Variants in PABPN1 observed in about 807,000 individuals in gnomAD.
The protein encoded by PABPN1 is polyadenylate-binding protein 2.
PABPN1 carries 5 observed loss-of-function variants against 33.4 expected under a neutral mutation model. The observed-to-expected ratio is 0.15, with a 90% CI of 0.08 to 0.32. PABPN1 has a LOEUF of 0.32. Ranked by LOEUF, PABPN1 falls within the 10% of genes least tolerant of loss-of-function variation. The pLI, the probability that PABPN1 is intolerant of heterozygous loss-of-function variation, is 1.00. For synonymous variants in PABPN1, 176 were observed against 170.6 expected (o/e 1.03, Z -0.25); for missense variants, 312 against 425.8 (o/e 0.73, Z 2.35).
intron 2 of PABPN1, chr14:23,322,733 C>T (rs144496255): frequency 5.7e-6 from 3 of 524,866 alleles, no homozygotes; most frequent in South Asian, 4.4e-5. Flanking sequence ...CAACCAAAGC[C>T]ATTCATTAGG....
intron 3 of PABPN1, 136 bp downstream of exon 3, chr14:23,323,202 A>T: frequency 7.5e-7 from 1 of 1,337,800 alleles, no homozygotes; most frequent in East Asian, 2.4e-5. Context: ...GTTAAAGGTA[A>T]TGGAATGATC....
rs1057278062 is a variant in PABPN1 at position 23,322,264 on chromosome 14, G to A, written c.435G>A (p.Lys145=). The A allele has an allele frequency of 1.2e-6, 2 of 1,608,696 alleles. No homozygotes were observed. Among genetic ancestry groups the A allele is most frequent in the Non-Finnish European group, 1.7e-6 (2 of 1,177,502 alleles). Residue 145 remains lysine (K), a synonymous_variant, in exon 2 of 7, where the codon AAG becomes AAA. Transcript: ENST00000216727. ...AGGAGCTACAGAACGAGGTAGAGAAGCAGATGAATATGAGTCCACCTCCAG... is the reference window on the plus strand; with the variant it reads ...AGGAGCTACAGAACGAGGTAGAGAAACAGATGAATATGAGTCCACCTCCAG... ...KLKELQNEVE[K]QMNMSPPPGN...
Position 23,323,985 on chromosome 14 carries a change from C to T in PABPN1, c.662C>T (p.Ser221Leu). 1 of 1,614,140 alleles carries T rather than the reference C, an allele frequency of 6.2e-7. No individual in the cohort carries two copies. Among genetic ancestry groups the T allele is most frequent in the Non-Finnish European group, 8.5e-7 (1 of 1,180,022 alleles). Residue 221 changes from serine (S) to leucine (L), a missense_variant, in exon 5 of 7, where the codon TCA becomes TTA. Ser to Leu is a moderately radical substitution (Grantham distance 145). This residue lies in a region of PABPN1 where 77 missense variants were observed against 185.7 expected (regional missense o/e 0.41). Coordinates refer to ENST00000216727, the MANE Select transcript of PABPN1 (RefSeq NM_004643.4). ...HPKGFAYIEF[S>L]DKESVRTSLA... ...TTCAGGTTTGCGTATATAGAGTTCT[C>T]AGACAAAGAGTCAGTGAGGACTTCC...
At chr14:23,321,872 T>C (rs968382096) in intron 1 of PABPN1, 52 bp downstream of exon 1, 1 of 1,105,952 alleles carries the variant, frequency 9.0e-7, no homozygotes, top group Non-Finnish European at 1.2e-6. Context: ...GCCGGGTCAC[T>C]GGAGGCCCAG....
chr14:23,323,324 C>CT (rs2138475828), intron 3 of PABPN1, 53 bp from the exon 4 acceptor site: 1 of 1,586,590 alleles, frequency 6.3e-7, no homozygotes, highest in East Asian at 2.2e-5. Flanking sequence ...GGGAGGGTTC[C>CT]TTTTGAGACA....
In PABPN1 at chr14:23,321,695, C is replaced by T. The variant is rs1421817437; in HGVS notation, c.226C>T (p.Arg76Trp). 2 of 1,531,998 alleles carry T rather than the reference C, an allele frequency of 1.3e-6. No individual in the cohort carries two copies. The highest frequency in any genetic ancestry group is 1.8e-6 in the Non-Finnish European group (2 of 1,134,134). The allele number at this position is 1,531,998 out of a possible 1,614,324, so 94.9% of individuals were successfully genotyped here. ...GCCCGAGCCCGAAGAGGAGCCGCCC[C>T]GGCCCCGCGCCCCCCCGGGAGCTCC... ...PEPEPEEEPP[R>W]PRAPPGAPGP... Residue 76 changes from arginine to tryptophan, a missense_variant, in exon 1 of 7, where the codon CGG becomes TGG. By Grantham distance (101) the Arg-to-Trp change is moderately radical. Transcript: ENST00000216727.
chr14:23,323,977 A>G lies in PABPN1; in HGVS notation c.654A>G (p.Ile218Met). ...FSGHPKGFAY[I>M]EFSDKESVRT... ...CAATTCTTTTCAGGTTTGCGTATAT[A>G]GAGTTCTCAGACAAAGAGTCAGTGA... Residue 218 changes from isoleucine (I) to methionine (M), a missense_variant, in exon 5 of 7, where the codon ATA becomes ATG. Physicochemically the swap from Ile to Met is conservative, Grantham distance 10 (BLOSUM62 1). Around this residue, in one of 3 missense-constraint regions of PABPN1, gnomAD observed 77 missense variants for 185.7 expected, o/e 0.41. Coordinates refer to ENST00000216727, the MANE Select transcript of PABPN1 (RefSeq NM_004643.4). 2 of 1,614,170 alleles carry G rather than the reference A, an allele frequency of 1.2e-6. No homozygotes were observed. Among genetic ancestry groups the G allele is most frequent in the Non-Finnish European group, 1.7e-6 (2 of 1,180,040 alleles).
At chr14:23,321,870 A>T in intron 1 of PABPN1, 50 bp downstream of exon 1, 1 of 1,275,634 alleles carries the variant, frequency 7.8e-7, no homozygotes, top group South Asian at 1.5e-5. Context: ...CGGCCGGGTC[A>T]CTGGAGGCCC....
Position 23,324,306 on chromosome 14 carries a change from T to C in PABPN1, c.881+17T>C, listed in dbSNP as rs1379492487. On this transcript the variant is annotated intron_variant, in intron 6 of 6. Coordinates refer to ENST00000216727, the MANE Select transcript of PABPN1 (RefSeq NM_004643.4). ...CGTCTACAGGTCAGGATAGATGGGC[T>C]GCTCCTCTTTCCCCCGCCTCCCGTG... 6.2e-7 allele frequency: 1 copy of C among 1,610,022 alleles called. No individual in the cohort carries two copies. The highest frequency in any genetic ancestry group is 1.7e-5 in the Admixed American group (1 of 60,024).
chr14:23,322,485 G>A, intron 2 of PABPN1, 190 bp downstream of exon 2: 2 of 636,256 alleles, frequency 3.1e-6, no homozygotes, highest in Middle Eastern at 2.9e-4. Flanking sequence ...TTTTGGTGGT[G>A]GTAGCCTTGT....
At chr14:23,324,465 T>C (rs1417041599) in intron 6 of PABPN1, 176 bp downstream of exon 6, 7 of 776,560 alleles carry the variant, frequency 9.0e-6, no homozygotes, top group African/African-American at 3.5e-5. Context: ...AAGGCCAGCC[T>C]CATCATCTTT....
chr14:23,325,578 C>T lies in PABPN1; in HGVS notation c.*292C>T. On this transcript the variant is annotated 3_prime_UTR_variant, in exon 7 of 7. Coordinates refer to ENST00000216727, the MANE Select transcript of PABPN1 (RefSeq NM_004643.4). ...GCAAGCTGCTGCCCATGTTTCCCTG[C>T]CCCACTTCACCCCCTTGGGGGCTGC... 2.5e-6 allele frequency: 1 copy of T among 400,240 alleles called. No homozygotes were observed. Among genetic ancestry groups the T allele is most frequent in the Non-Finnish European group, 4.5e-6 (1 of 222,160 alleles). 24.8% of individuals were successfully genotyped at this position (400,240 alleles called of 1,614,324 possible).
rs757395524 is a variant in PABPN1, at chr14:23,323,441, G to A, written c.599G>A (p.Arg200His). 1.2e-6 allele frequency: 2 copies of A among 1,613,996 alleles called. No homozygotes were observed. The highest frequency in any genetic ancestry group is 2.7e-5 in the African/African-American group (2 of 74,926). ...AHFHGCGSVN[R>H]VTILCDKFSG... ...TTTCATGGCTGTGGTTCAGTCAACC[G>A]TGTTACCATACTGTGTGACAAATTT... The change falls in exon 4 of 7, where the codon CGT becomes CAT. Residue 200 changes from arginine (R) to histidine (H), a missense_variant. This residue lies in a region of PABPN1 where 77 missense variants were observed against 185.7 expected (regional missense o/e 0.41). Coordinates refer to ENST00000216727, the MANE Select transcript of PABPN1 (RefSeq NM_004643.4).
intron 6 of PABPN1, chr14:23,325,027 T>C: frequency 2.4e-6 from 1 of 424,124 alleles, no homozygotes; most frequent in Non-Finnish European, 3.9e-6. Flanking sequence ...GCGCTTCTTT[T>C]TCGCCACTGT....
At chr14:23,321,909 G>A in intron 1 of PABPN1, 89 bp downstream of exon 1, 1 of 909,036 alleles carries the variant, frequency 1.1e-6, no homozygotes, top group South Asian at 1.8e-5. Flanking sequence ...TGGCAGGCGG[G>A]GGGTGGGGTT....
At chr14:23,325,120 T>C in intron 6 of PABPN1, 127 bp from the exon 7 acceptor site, 1 of 1,349,538 alleles carries the variant, frequency 7.4e-7, no homozygotes, top group Non-Finnish European at 1.0e-6. Context: ...GGGTCAGTTT[T>C]AGGACACTTG....
intron 2 of PABPN1, 74 bp from the exon 3 acceptor site, chr14:23,322,916 AGTGCTGGTG>A: frequency 6.3e-7 from 1 of 1,583,802 alleles, no homozygotes; most frequent in Non-Finnish European, 8.7e-7. Flanking sequence ...CTTATGGGAT[AGTGCTGGTG>A]GTGGAAGTGC....
rs1450543621 is a variant in PABPN1 at position 23,325,986 on chromosome 14, TG to T, written c.*701del. The stretch of plus-strand genomic sequence containing the variant: ...GGGTGTTTTTGTTTTTCAGTTGTTT[TG>T]TTTTTTTGTTTTTTTTTTTTTTCCT... On this transcript the variant is annotated 3_prime_UTR_variant, in exon 7 of 7. Transcript: ENST00000216727. 7.8e-5 allele frequency: 4 copies of T among 51,242 alleles called. No individual in the cohort carries two copies. The highest frequency in any genetic ancestry group is 2.8e-4 in the African/African-American group (4 of 14,106). 3.2% of individuals were successfully genotyped at this position (51,242 alleles called of 1,614,324 possible). A position where few individuals can be genotyped will look rare whatever the true frequency, so the allele number is the denominator to read the frequency against.
chr14:23,325,370 CAG>C lies in PABPN1; in HGVS notation c.*86_*87del. On this transcript the variant is annotated 3_prime_UTR_variant, in exon 7 of 7. Coordinates refer to ENST00000216727, the MANE Select transcript of PABPN1 (RefSeq NM_004643.4). ...GAATTAAAAAAAAAAAAAAGAAAAA[CAG>C]AAGATGACCTTGATGGAAAAAAAAT... is the stretch of plus-strand genomic sequence containing the variant. 1 of 1,353,252 alleles carries C rather than the reference CAG, an allele frequency of 7.4e-7. No homozygotes were observed. Among genetic ancestry groups the C allele is most frequent in the Non-Finnish European group, 9.9e-7 (1 of 1,005,166 alleles). 83.8% of individuals were successfully genotyped at this position (1,353,252 alleles called of 1,614,324 possible).
Sources: gnomAD v4.1 joint callset for allele counts on GRCh38, gnomAD v4.1.1 for gene constraint, gnomAD v4.1.1 regional missense constraint, MANE v1.5 for transcripts, NCBI Gene and HGNC (gene_info 2026-07-23, HGNC 2026-07-21) for gene names.